PCDH9: variants seen among roughly 807,000 people sequenced by gnomAD.
PCDH9 encodes protocadherin 9, also known as protocadherin-9.
In PCDH9, 24 loss-of-function variants were observed where a neutral mutation model predicts 70.6. The ratio of observed to expected loss-of-function variants is 0.34; its 90% CI spans 0.25 to 0.48. PCDH9 has a LOEUF of 0.48. Among genes scored for constraint, PCDH9 ranks in the 20% least tolerant of loss-of-function variants. The pLI, the probability that PCDH9 is intolerant of heterozygous loss-of-function variation, is 0.99. For synonymous variants in PCDH9, 562 were observed against 558.5 expected, an observed-to-expected ratio of 1.01 and a Z score of -0.09; for missense variants, 1,281 against 1,503.6, an observed-to-expected ratio of 0.85 and a Z score of 2.45.
intron 4 of PCDH9, among the ~76,000 whole-genome samples, chr13:66,363,755 A>T (rs773652872): frequency 1.3e-5 from 2 of 152,196 alleles, no homozygotes; most frequent in African/African-American, 4.8e-5. Flanking sequence ...AACATATTCA[A>T]TTCATGCATA....
chr13:66,817,004 A>C (rs1054543940), intron 3 of PCDH9, among the ~76,000 whole-genome samples: 1 of 151,738 alleles, frequency 6.6e-6, no homozygotes, highest in African/African-American at 2.4e-5. Flanking sequence ...ATATTTAAAA[A>C]AAAAAACACC....
intron 2 of PCDH9, among the ~76,000 whole-genome samples, chr13:67,192,269 T>G (rs1156718256): frequency 6.6e-6 from 1 of 152,156 alleles, no homozygotes; most frequent in Non-Finnish European, 1.5e-5. Flanking sequence ...AAACCTACTA[T>G]ATTTTTGTGA....
Position 66,304,702 on chromosome 13 carries a change from T to A in PCDH9, c.3667A>T (p.Lys1223Ter). 1 of 1,613,386 alleles carries A rather than the reference T, an allele frequency of 6.2e-7. No individual in the cohort carries two copies. Among genetic ancestry groups the A allele is most frequent in the Non-Finnish European group, 8.5e-7 (1 of 1,179,612 alleles). Residue 1223 changes from lysine (K) to a stop codon, truncating the protein, a stop_gained, in exon 5 of 5, where the codon AAG becomes TAG. Coordinates refer to ENST00000377865, the MANE Select transcript of PCDH9 (RefSeq NM_203487.3). LOFTEE classifies it high-confidence loss of function. ...DIPLANLKSY[K>*]QAGGATESPK... The stretch of plus-strand genomic sequence containing the variant: ...CTCTCAGTAGCACCTCCTGCTTGCT[T>A]ATAAGACTTCAGATTTGCCAGAGGA...
intron 2 of PCDH9, among the ~76,000 whole-genome samples, chr13:66,958,652 T>C (rs1594313469): frequency 6.6e-6 from 1 of 152,326 alleles, no homozygotes; most frequent in Non-Finnish European, 1.5e-5. Context: ...TTCATTGATG[T>C]AATTTTTTTT....
In PCDH9 at chr13:66,786,094, G is replaced by A. The variant is rs1464822828; in HGVS notation, c.3138+117410C>T. The stretch of plus-strand genomic sequence containing the variant: ...TATCCATACTCATACTGTTCTGATA[G>A]CCTAATCAATGTTCCCCTGGTTACA... On this transcript the variant is annotated intron_variant, in intron 3 of 4. Coordinates refer to ENST00000377865, the MANE Select transcript of PCDH9 (RefSeq NM_203487.3). 4.6e-5 allele frequency among the ~76,000 whole-genome samples: 7 copies of A among 151,988 alleles called. No homozygotes were observed. The East Asian group carries it at 1.4e-3, about 29-fold the overall frequency.
chr13:66,948,379 C>A (rs574247235), intron 2 of PCDH9, among the ~76,000 whole-genome samples: 8 of 152,004 alleles, frequency 5.3e-5, no homozygotes, highest in Admixed American at 3.3e-4. Context: ...AACTTGTTTG[C>A]TAAATGAGCT....
intron 4 of PCDH9, among the ~76,000 whole-genome samples, chr13:66,509,038 A>C (rs1959332889): frequency 6.6e-6 from 1 of 152,120 alleles, no homozygotes; most frequent in African/African-American, 2.4e-5. Context: ...CTGTGGAAAA[A>C]GATTATTATA....
chr13:66,874,961 G>GAC (rs35359818), intron 3 of PCDH9, among the ~76,000 whole-genome samples: 30,404 of 150,306 alleles, frequency 0.2, 3,726 homozygotes, highest in Non-Finnish European at 0.27. Context: ...GAGAGAGAGA[G>GAC]AGACAGAGAG....
intron 4 of PCDH9, among the ~76,000 whole-genome samples, chr13:66,308,528 T>A (rs1004122604): frequency 2.4e-4 from 37 of 152,016 alleles, no homozygotes; most frequent in Non-Finnish European, 3.5e-4. Flanking sequence ...AAAGGCAGAA[T>A]TTTTTTGTTG....
chr13:66,987,047 G>A (rs899173161), intron 2 of PCDH9, among the ~76,000 whole-genome samples: 6 of 151,834 alleles, frequency 4.0e-5, no homozygotes, highest in African/African-American at 1.5e-4. Context: ...TGCAAAAATG[G>A]CATTTGAGAG....
At chr13:66,778,980 T>C (rs978481689) in intron 3 of PCDH9, among the ~76,000 whole-genome samples, 2 of 152,218 alleles carry the variant, frequency 1.3e-5, no homozygotes, top group African/African-American at 4.8e-5. Flanking sequence ...TTTTCTCATA[T>C]TCATTCAGGA....
At chr13:66,713,621 G>GTCTATA (rs1415001060) in intron 3 of PCDH9, among the ~76,000 whole-genome samples, 1 of 16,886 alleles carries the variant, frequency 5.9e-5, no homozygotes, top group South Asian at 3.1e-3. Flanking sequence ...AAGTGTGTGT[G>GTCTATA]TGTGTATATA....
chr13:66,837,735 C>T (rs1448950136), intron 3 of PCDH9, among the ~76,000 whole-genome samples: 2 of 152,120 alleles, frequency 1.3e-5, no homozygotes, highest in African/African-American at 4.8e-5. Context: ...AAATGACTTT[C>T]TCGTTAAAAA....
intron 4 of PCDH9, among the ~76,000 whole-genome samples, chr13:66,542,745 C>T (rs148413119): frequency 2.8e-4 from 39 of 140,278 alleles, no homozygotes; most frequent in African/African-American, 8.2e-4. Flanking sequence ...TATATATCTC[C>T]GAGATATTTA....
At chr13:66,627,711 A>G (rs2077516880) in intron 4 of PCDH9, among the ~76,000 whole-genome samples, 1 of 152,156 alleles carries the variant, frequency 6.6e-6, no homozygotes, top group Non-Finnish European at 1.5e-5. Context: ...CTTGTGAGTG[A>G]CGTCACTGTG....
At chr13:66,547,613 C>T (rs562703588) in intron 4 of PCDH9, among the ~76,000 whole-genome samples, 6 of 151,840 alleles carry the variant, frequency 4.0e-5, no homozygotes, top group Non-Finnish European at 8.8e-5. Flanking sequence ...TTAAATATGC[C>T]CATGATAGTT....
intron 2 of PCDH9, chr13:67,206,065 T>G (rs2089334403): frequency 6.6e-6 from 1 of 152,166 alleles, no homozygotes; most frequent in African/African-American, 2.4e-5. Context: ...GCTCTCAAAC[T>G]CCTGAACTCA....
intron 3 of PCDH9, among the ~76,000 whole-genome samples, chr13:66,890,340 A>C (rs553289334): frequency 1.3e-3 from 198 of 151,812 alleles, no homozygotes; most frequent in African/African-American, 4.6e-3. Flanking sequence ...TAATTCTATG[A>C]GTTCTGAAAA....
intron 2 of PCDH9, among the ~76,000 whole-genome samples, chr13:67,047,211 G>T (rs182244659): frequency 4.7e-4 from 72 of 152,206 alleles, no homozygotes; most frequent in African/African-American, 1.6e-3. Flanking sequence ...AAAAGGGCAT[G>T]GTGCTTACAA....
Sources: gnomAD v4.1 joint callset for allele counts (sites outside exome capture counted in the v4.1 genomes callset) on GRCh38, gnomAD v4.1.1 for gene constraint, MANE v1.5 for transcripts, NCBI Gene and HGNC (gene_info 2026-07-23, HGNC 2026-07-21) for gene names.